Variants in AUH observed in about 807,000 individuals in gnomAD.
AUH encodes the protein AU RNA binding methylglutaconyl-CoA hydratase.
In AUH, 29 loss-of-function variants were observed where a neutral mutation model predicts 42.3. The ratio of observed to expected loss-of-function variants is 0.69; its 90% CI spans 0.51 to 0.93. The LOEUF (loss-of-function observed/expected upper bound fraction) is 0.93, where lower values mean the gene tolerates loss of function less well. AUH is among the 40% of genes least tolerant of loss of function. The pLI is 0.00. For missense variants in AUH, 452 were observed against 438.1 expected, an observed-to-expected ratio of 1.03 and a Z score of -0.28; for synonymous variants, 174 against 166.4, an observed-to-expected ratio of 1.05 and a Z score of -0.35.
intron 1 of AUH, chr9:91,357,422 G>A (rs896802126): frequency 1.1e-5 from 9 of 849,446 alleles, no homozygotes; most frequent in Non-Finnish European, 1.3e-5. Flanking sequence ...AGTTTCCTCA[G>A]GAAGAAAATC....
At chr9:91,339,152 A>G (rs1830915978) in intron 3 of AUH, among the ~76,000 whole-genome samples, 1 of 152,204 alleles carries the variant, frequency 6.6e-6, no homozygotes, top group Non-Finnish European at 1.5e-5. Context: ...TTGACTTGCA[A>G]TGGGGTTATA....
At chr9:91,361,204 T>C (rs1232048562) in intron 1 of AUH, among the ~76,000 whole-genome samples, 2 of 152,202 alleles carry the variant, frequency 1.3e-5, no homozygotes, top group Non-Finnish European at 2.9e-5. Context: ...AGATTCTCCG[T>C]AATAATAAAA....
intron 6 of AUH, among the ~76,000 whole-genome samples, chr9:91,235,734 T>A (rs1828139059): frequency 6.6e-6 from 1 of 152,212 alleles, no homozygotes; most frequent in Non-Finnish European, 1.5e-5. Flanking sequence ...ACCCTACCCT[T>A]CCTTCAATAA....
intron 3 of AUH, among the ~76,000 whole-genome samples, chr9:91,355,462 C>A (rs560068976): frequency 6.6e-6 from 1 of 151,706 alleles, no homozygotes. Context: ...GGGGCTGAGG[C>A]GGGAGAATCA....
intron 6 of AUH, among the ~76,000 whole-genome samples, chr9:91,274,579 T>C (rs1407862396): frequency 6.6e-6 from 1 of 152,220 alleles, no homozygotes; most frequent in Admixed American, 6.5e-5. Context: ...AAAAAATGTA[T>C]AACTGCAAAG....
At chr9:91,300,040 T>C (rs552912848) in intron 4 of AUH, among the ~76,000 whole-genome samples, 34 of 152,314 alleles carry the variant, frequency 2.2e-4, no homozygotes, top group African/African-American at 7.0e-4. Flanking sequence ...GATTGTCCTA[T>C]AGCCAGTGGA....
chr9:91,325,596 G>A (rs948820695), intron 3 of AUH, among the ~76,000 whole-genome samples, 192 bp from the exon 4 acceptor site: 1 of 152,012 alleles, frequency 6.6e-6, no homozygotes, highest in African/African-American at 2.4e-5. Context: ...CTATTCATAC[G>A]TCTACCATGT....
intron 6 of AUH, among the ~76,000 whole-genome samples, chr9:91,270,572 C>G (rs1360494587): frequency 6.6e-6 from 1 of 152,110 alleles, no homozygotes; most frequent in African/African-American, 2.4e-5. Context: ...ACTGTTTTGG[C>G]TTCTGTAAGA....
chr9:91,220,064 CTT>C (rs913985567), intron 7 of AUH, among the ~76,000 whole-genome samples: 5 of 152,214 alleles, frequency 3.3e-5, no homozygotes, highest in Non-Finnish European at 7.3e-5. Context: ...AAAGAAGACT[CTT>C]TCTCTCAATT....
At chr9:91,344,976 A>AT (rs1831377618) in intron 3 of AUH, among the ~76,000 whole-genome samples, 1 of 152,030 alleles carries the variant, frequency 6.6e-6, no homozygotes, top group Admixed American at 6.5e-5. Context: ...TAGATGCCAA[A>AT]AAGAGATTTG....
At chr9:91,281,273 C>T (rs1054514310) in intron 6 of AUH, among the ~76,000 whole-genome samples, 1 of 152,198 alleles carries the variant, frequency 6.6e-6, no homozygotes, top group African/African-American at 2.4e-5. Flanking sequence ...CAGATTCACT[C>T]ACTCTCTCTT....
chr9:91,235,523 C>A (rs1828128513), intron 6 of AUH, among the ~76,000 whole-genome samples: 1 of 152,126 alleles, frequency 6.6e-6, no homozygotes, highest in Admixed American at 6.5e-5. Context: ...ATGTGTGAGA[C>A]TGGACACAGA....
At chr9:91,262,816 T>G (rs1194022536) in intron 6 of AUH, among the ~76,000 whole-genome samples, 3 of 152,214 alleles carry the variant, frequency 2.0e-5, no homozygotes, top group African/African-American at 7.2e-5. Context: ...CTGCCTGTTT[T>G]GTGAATAAGT....
Position 91,313,705 on chromosome 9 carries a change from C to T in AUH, c.505+11613G>A, listed in dbSNP as rs1221724257. The stretch of plus-strand genomic sequence containing the variant: ...CCGGCCTGGGCGACAAAGCGAGACT[C>T]CGTCTCAAAAAAAAAAAAAAAAAAA... On this transcript the variant is annotated intron_variant, in intron 4 of 9. Transcript: ENST00000375731. Among the ~76,000 whole-genome samples, 46 of 129,414 alleles carry T rather than the reference C, an allele frequency of 3.6e-4. 1 individual carries two copies. Among genetic ancestry groups the T allele is most frequent in the Admixed American group, 3.5e-3 (46 of 13,194 alleles). The allele number at this position is 129,414 out of a possible 152,430, so 84.9% of individuals were successfully genotyped here.
At chr9:91,237,051 G>A (rs1006920542) in intron 6 of AUH, among the ~76,000 whole-genome samples, 2 of 152,092 alleles carry the variant, frequency 1.3e-5, no homozygotes, top group Non-Finnish European at 2.9e-5. Flanking sequence ...TAGGGGATAC[G>A]TGTATGTGCA....
chr9:91,319,353 G>A (rs1053901059), intron 4 of AUH, among the ~76,000 whole-genome samples: 17 of 152,188 alleles, frequency 1.1e-4, no homozygotes, highest in African/African-American at 4.1e-4. Context: ...CTCAAGTACT[G>A]TTACAGTAGG....
chr9:91,249,971 C>T (rs892403263), intron 6 of AUH, among the ~76,000 whole-genome samples: 7 of 151,490 alleles, frequency 4.6e-5, no homozygotes, highest in Admixed American at 4.6e-4. Flanking sequence ...GAGATAGTGC[C>T]CCTGCACTCC....
rs544976474 is a variant in AUH at position 91,224,732 on chromosome 9, T to C, written c.656-3740A>G. The stretch of plus-strand genomic sequence containing the variant: ...TCATTCCCACTGAAATTTTAACTTT[T>C]AGAACATTTGTTTGGCAAGAAATTA... On this transcript the variant is annotated intron_variant, in intron 6 of 9. Transcript: ENST00000375731. Among the ~76,000 whole-genome samples, 59 of 152,322 alleles carry C rather than the reference T, an allele frequency of 3.9e-4. No individual in the cohort carries two copies. The South Asian group carries it at 8.5e-3, about 22-fold the overall frequency.
At chr9:91,238,846 T>C (rs754777972) in intron 6 of AUH, among the ~76,000 whole-genome samples, 14 of 152,226 alleles carry the variant, frequency 9.2e-5, no homozygotes, top group Non-Finnish European at 1.5e-4. Context: ...TTATCTCCTG[T>C]ATTCCCTGCT....
Sources: allele counts gnomAD v4.1 joint callset (sites outside exome capture counted in the v4.1 genomes callset), GRCh38; gene constraint gnomAD v4.1.1; transcripts MANE v1.5; gene names NCBI Gene and HGNC (gene_info 2026-07-23, HGNC 2026-07-21).